The following EXOSC2 variants were observed in gnomAD, a reference collection of about 807,000 sequenced individuals.
The protein encoded by EXOSC2 is exosome component 2.
A neutral mutation model predicts 37.6 loss-of-function variants in EXOSC2; 29 were observed. That is an observed-to-expected ratio of 0.77 (90% CI 0.57 to 1.05). The LOEUF (loss-of-function observed/expected upper bound fraction) is 1.05. EXOSC2 is among the 50% of genes least tolerant of loss of function. The probability of loss-of-function intolerance (pLI) is 0.00; values close to 1 mark genes in which losing one functional copy is unlikely to be tolerated. For synonymous variants in EXOSC2, 119 were observed against 131.1 expected, an observed-to-expected ratio of 0.91 and a Z score of 0.63; for missense variants, 346 against 365.6, an observed-to-expected ratio of 0.95 and a Z score of 0.44.
rs550383127 is a variant in EXOSC2 at position 130,695,504 on chromosome 9, G to A, written c.135G>A (p.Thr45=). 4.6e-4 allele frequency: 745 copies of A among 1,614,058 alleles called. 17 individuals are homozygous for A. The South Asian group carries it at 7.1e-3, about 15-fold the overall frequency. Residue 45 remains threonine (T), a synonymous_variant, in exon 2 of 9, where the codon ACG becomes ACA. Coordinates refer to ENST00000372358, the MANE Select transcript of EXOSC2 (RefSeq NM_014285.7). Reference sequence around the variant, plus strand: ...CGCCTTGCATCAGGGGCCATGGAACGTATATGGGAGAAGAGAAGCTCATTG... The same window carrying A: ...CGCCTTGCATCAGGGGCCATGGAACATATATGGGAGAAGAGAAGCTCATTG... ...TDTGFMRGHG[T]YMGEEKLIAS...
intron 6 of EXOSC2, chr9:130,701,152 A>C: frequency 2.0e-6 from 1 of 490,012 alleles, no homozygotes; most frequent in Admixed American, 3.6e-5. Context: ...AACAAGTTTT[A>C]TCCTTTTTCT....
At position 130,702,171 on chromosome 9, in the gene EXOSC2, T is replaced by G; in HGVS notation, c.533T>G (p.Leu178Arg). Residue 178 changes from leucine to arginine, a missense_variant, in exon 7 of 9, where the codon CTG (leucine) becomes CGG (arginine). Leu to Arg is a moderately radical substitution (Grantham distance 102, BLOSUM62 -2). Coordinates refer to ENST00000372358, the MANE Select transcript of EXOSC2 (RefSeq NM_014285.7). ...QGVLVQVSPS[L>R]VKRQKTHFHD... ...GTTTTGGTCCAGGTTTCCCCCTCCC[T>G]GGTGAAACGGCAGAAGACCCACTTT... 6.2e-7 allele frequency: 1 copy of G among 1,614,168 alleles called. No individual in the cohort carries two copies.
chr9:130,700,573 G>A (rs1265812433), intron 5 of EXOSC2, among the ~76,000 whole-genome samples: 2 of 151,540 alleles, frequency 1.3e-5, no homozygotes, highest in Non-Finnish European at 2.9e-5. Flanking sequence ...TGGTCAGGCT[G>A]GTCTAGAACT....
Position 130,703,806 on chromosome 9 carries a change from C to T in EXOSC2, c.*32C>T. ...GCTCCAGAAGCACGGGACTGTGGACCTTGCAGGAGTGAAGACTGTGATGTG... is the reference window on the plus strand; with the variant it reads ...GCTCCAGAAGCACGGGACTGTGGACTTTGCAGGAGTGAAGACTGTGATGTG... On this transcript the variant is annotated 3_prime_UTR_variant, in exon 9 of 9. Transcript: ENST00000372358. 6.4e-7 allele frequency: 1 copy of T among 1,563,318 alleles called. No individual in the cohort carries two copies. Among genetic ancestry groups the T allele is most frequent in the East Asian group, 2.2e-5 (1 of 44,554 alleles).
At chr9:130,699,019 G>C (rs1343026717) in intron 4 of EXOSC2, among the ~76,000 whole-genome samples, 1 of 152,196 alleles carries the variant, frequency 6.6e-6, no homozygotes, top group South Asian at 2.1e-4. Context: ...GTCTGGTCCT[G>C]CTGGACCACA....
chr9:130,702,819 TC>T (rs1294001563), intron 7 of EXOSC2, among the ~76,000 whole-genome samples: 3 of 152,146 alleles, frequency 2.0e-5, no homozygotes, highest in Non-Finnish European at 4.4e-5. Context: ...GGTCTTGAAT[TC>T]CTGACCTTGT....
chr9:130,703,724 G>C lies in EXOSC2; in HGVS notation c.832G>C (p.Glu278Gln), dbSNP rs1230497531. Residue 278 changes from glutamate to glutamine, a missense_variant, in exon 9 of 9, where the codon GAG becomes CAG. Transcript: ENST00000372358. ...AGACATCTTAAAGCCAGAAATAATG[G>C]AGGAGATTGTGATGGAAACACGCCA... ...IKDILKPEIM[E>Q]EIVMETRQRL... 1.2e-6 allele frequency: 2 copies of C among 1,613,868 alleles called. No homozygotes were observed. Among genetic ancestry groups the C allele is most frequent in the South Asian group, 2.2e-5 (2 of 90,976 alleles).
chr9:130,698,909 G>A lies in EXOSC2; in HGVS notation c.361-420G>A, dbSNP rs544455342. On this transcript the variant is annotated intron_variant, in intron 4 of 8. Coordinates refer to ENST00000372358, the MANE Select transcript of EXOSC2 (RefSeq NM_014285.7). This position sits in a 1 kb window ranked among gnomAD's most constrained non-coding sequence, Gnocchi z 4.1. ...GAAGCTTGTAGGAAAGACAGGCATT[G>A]GAGTTGATCCTGGAAGGATGGAGAG... Among the ~76,000 whole-genome samples the A allele has an allele frequency of 3.9e-5, 6 of 152,312 alleles. No homozygotes were observed. The East Asian group carries it at 1.2e-3, about 29-fold the overall frequency.
rs765985454 is a variant in EXOSC2, at chr9:130,693,812, T to A, written c.21T>A (p.Leu7=). MAMEMR[L]PVARKPLSER... is the part of the protein sequence containing the mutation. ...CCAAGATGGCGATGGAGATGAGGCT[T>A]CCAGTGGCTCGCAAGCCTCTTAGCG... The change falls in exon 1 of 9, where the codon CTT becomes CTA. Residue 7 remains leucine (L), a synonymous_variant. Transcript: ENST00000372358. The A allele has an allele frequency of 4.9e-5, 79 of 1,608,578 alleles. No individual in the cohort carries two copies. The highest frequency in any genetic ancestry group is 6.1e-5 in the Non-Finnish European group (72 of 1,176,756).
chr9:130,699,775 G>A, intron 5 of EXOSC2: 2 of 191,016 alleles, frequency 1.0e-5, no homozygotes, highest in Non-Finnish European at 2.2e-5. Flanking sequence ...GCCAAGGAGG[G>A]AGGACTGCTT....
chr9:130,693,950 G>A (rs747374184), intron 1 of EXOSC2, 37 bp downstream of exon 1: 1 of 1,571,250 alleles, frequency 6.4e-7, no homozygotes, highest in Admixed American at 1.8e-5. Flanking sequence ...GCTTCAGAGA[G>A]CGGCTTCAGG....
At position 130,695,548 on chromosome 9, in the gene EXOSC2, T is replaced by C; in HGVS notation, c.179T>C (p.Val60Ala). The C allele has an allele frequency of 6.2e-7, 1 of 1,614,208 alleles. No homozygotes were observed. Among genetic ancestry groups the C allele is most frequent in the Non-Finnish European group, 8.5e-7 (1 of 1,180,024 alleles). The change falls in exon 2 of 9, where the codon GTG (valine) becomes GCG (alanine). Residue 60 changes from valine to alanine, a missense_variant. Physicochemically the swap from Val to Ala is moderately conservative, Grantham distance 64. Coordinates refer to ENST00000372358, the MANE Select transcript of EXOSC2 (RefSeq NM_014285.7). ...CTCATTGCATCTGTTGCTGGCTCTG[T>C]GGAGAGAGTAAACAAGTTGATCTGT... ...EKLIASVAGS[V>A]ERVNKLICVK...
In EXOSC2 at chr9:130,698,073, C is replaced by A; in HGVS notation, c.271-89C>A. 1.6e-6 allele frequency: 2 copies of A among 1,254,782 alleles called. No homozygotes were observed. The highest frequency in any genetic ancestry group is 2.3e-6 in the Non-Finnish European group (2 of 861,622). The allele number at this position is 1,254,782 out of a possible 1,614,324, so 77.7% of individuals were successfully genotyped here. A position where few individuals can be genotyped will look rare whatever the true frequency, so the allele number is the denominator to read the frequency against. On this transcript the variant is annotated intron_variant, in intron 3 of 8. Transcript: ENST00000372358. The surrounding 1 kb of genome is among the most constrained non-coding windows in gnomAD (Gnocchi z 4.1). ...CCTCCCAAAGTGCTGGGATTACAGG[C>A]GTGAGCCACCACATCTGGCCTTACT...
chr9:130,701,972 G>GT, intron 6 of EXOSC2, 162 bp from the exon 7 acceptor site: 2 of 1,428,102 alleles, frequency 1.4e-6, no homozygotes, highest in Non-Finnish European at 9.1e-7. Flanking sequence ...GTCCCAAAGC[G>GT]TTCTCTGCAA....
intron 6 of EXOSC2, chr9:130,701,651 A>T: frequency 1.0e-6 from 1 of 981,864 alleles, no homozygotes; most frequent in Non-Finnish European, 1.2e-6. Context: ...CCTTGGCAGG[A>T]CGTGGACTTG....
In EXOSC2 at chr9:130,703,712, C is replaced by T. The variant is rs775751006; in HGVS notation, c.820C>T (p.Pro274Ser). Residue 274 changes from proline to serine, a missense_variant, in exon 9 of 9, where the codon CCA becomes TCA. By Grantham distance (74) the Pro-to-Ser change is moderately conservative. Transcript: ENST00000372358. ...LPHQIKDILK[P>S]EIMEEIVMET... Reference sequence around the variant, plus strand: ...TTTTCAGATCAAAGACATCTTAAAGCCAGAAATAATGGAGGAGATTGTGAT... The same window carrying T: ...TTTTCAGATCAAAGACATCTTAAAGTCAGAAATAATGGAGGAGATTGTGAT... The T allele has an allele frequency of 1.2e-6, 2 of 1,613,344 alleles. No homozygotes were observed. The highest frequency in any genetic ancestry group is 1.7e-6 in the Non-Finnish European group (2 of 1,179,612).
At chr9:130,697,682 T>C (rs1320837995) in intron 3 of EXOSC2, 55 bp downstream of exon 3, 1 of 1,516,690 alleles carries the variant, frequency 6.6e-7, no homozygotes. Context: ...GGCGATTTCA[T>C]TCATGGGACA....
At chr9:130,701,746 A>G in intron 6 of EXOSC2, 1 of 866,420 alleles carries the variant, frequency 1.2e-6, no homozygotes, top group Non-Finnish European at 1.4e-6. Context: ...CTCACAGGCA[A>G]GATGAGTGTT....
At chr9:130,702,092 G>A (rs778991328) in intron 6 of EXOSC2, 42 bp from the exon 7 acceptor site, 9 of 1,595,648 alleles carry the variant, frequency 5.6e-6, no homozygotes, top group East Asian at 2.2e-5. Context: ...CATTCATCCC[G>A]CCAATCTTGC....
Sources: gnomAD v4.1 joint callset for allele counts (sites outside exome capture counted in the v4.1 genomes callset) on GRCh38, gnomAD v4.1.1 for gene constraint, Gnocchi (gnomAD v3.1) non-coding constraint, MANE v1.5 for transcripts, NCBI Gene and HGNC (gene_info 2026-07-23, HGNC 2026-07-21) for gene names.